The following DMXL1 variants were observed in gnomAD, a reference collection of about 807,000 sequenced individuals.
The protein encoded by DMXL1 is dmX-like protein 1.
Under a neutral mutation model 319.2 loss-of-function variants are expected in DMXL1, and 99 were observed. That is an observed-to-expected ratio of 0.31 (90% CI 0.26 to 0.37). The LOEUF is 0.37. Ranked by LOEUF, DMXL1 falls within the 10% of genes least tolerant of loss-of-function variation. DMXL1 has a pLI of 1.00. For synonymous variants in DMXL1, 1,385 were observed against 1,235.2 expected (o/e 1.12, Z -2.54); for missense variants, 3,745 against 3,595.6 (o/e 1.04, Z -1.06).
intron 32 of DMXL1, among the ~76,000 whole-genome samples, chr5:119,201,771 A>G (rs1400561543): frequency 1.3e-5 from 2 of 152,080 alleles, no homozygotes; most frequent in Non-Finnish European, 2.9e-5. Context: ...TGGTCAGGGA[A>G]TCATTTCTTC....
intron 38 of DMXL1, among the ~76,000 whole-genome samples, chr5:119,230,882 AAAATAAAT>A (rs534047499): frequency 2.0e-5 from 3 of 152,118 alleles, no homozygotes; most frequent in Middle Eastern, 3.2e-3. Context: ...ACTCCGTCTC[AAAATAAAT>A]AAATAAATAA....
intron 41 of DMXL1, among the ~76,000 whole-genome samples, chr5:119,239,974 A>C (rs1457078247): frequency 2.0e-5 from 3 of 150,514 alleles, no homozygotes; most frequent in Non-Finnish European, 4.4e-5. Flanking sequence ...AAAAAAAAAA[A>C]CAAAAAATTG....
At chr5:119,130,767 A>G (rs1455918434) in intron 10 of DMXL1, among the ~76,000 whole-genome samples, 3 of 152,192 alleles carry the variant, frequency 2.0e-5, no homozygotes. Context: ...ATTTAAATTA[A>G]TTTAAATTGT....
At chr5:119,194,504 ATAT>A (rs2150395889) in intron 30 of DMXL1, among the ~76,000 whole-genome samples, 1 of 150,382 alleles carries the variant, frequency 6.6e-6, no homozygotes, top group South Asian at 2.1e-4. Flanking sequence ...GTCTCTATTG[ATAT>A]GTTTACATCT....
At chr5:119,116,668 T>A (rs1322613994) in intron 7 of DMXL1, among the ~76,000 whole-genome samples, 1 of 152,238 alleles carries the variant, frequency 6.6e-6, no homozygotes, top group African/African-American at 2.4e-5. Flanking sequence ...TTTGTTTATA[T>A]TTTTACATAA....
At chr5:119,087,678 T>C (rs1753679860) in intron 1 of DMXL1, among the ~76,000 whole-genome samples, 1 of 152,222 alleles carries the variant, frequency 6.6e-6, no homozygotes, top group African/African-American at 2.4e-5. Flanking sequence ...AGATCTAGTG[T>C]ATCGTTTAAC....
rs1345595408 is a variant in DMXL1, at chr5:119,189,809, G to A, written c.7237G>A (p.Val2413Ile). The change falls in exon 29 of 44, where the codon GTA (valine) becomes ATA (isoleucine). Residue 2413 changes from valine (V) to isoleucine (I), a missense_variant. This residue lies in a region of DMXL1 where 1,382 missense variants were observed against 1,269.5 expected (regional missense o/e 1.09). Coordinates refer to ENST00000539542, the MANE Select transcript of DMXL1 (RefSeq NM_001290321.3). The stretch of plus-strand genomic sequence containing the variant: ...CCCACTGACCCCTTCCTCGGCACCA[G>A]TAAGCCAGGAGTCACTGGCGGTTAA... The part of the protein sequence containing the change: ...SAPLTPSSAP[V>I]SQESLAVKEK... 1.9e-6 allele frequency: 3 copies of A among 1,614,116 alleles called. No homozygotes were observed. The highest frequency in any genetic ancestry group is 3.3e-5 in the Admixed American group (2 of 60,026).
intron 32 of DMXL1, among the ~76,000 whole-genome samples, chr5:119,202,883 T>TTTATATATATATATATATATATA (rs1781004815): frequency 1.1e-4 from 8 of 71,536 alleles, no homozygotes; most frequent in East Asian, 5.9e-4. Flanking sequence ...ATATATATAT[T>TTTATATATATATATATATATATA]TTTATATATA....
At chr5:119,245,047 G>C (rs1310091221) in intron 43 of DMXL1, among the ~76,000 whole-genome samples, 2 of 152,094 alleles carry the variant, frequency 1.3e-5, no homozygotes, top group East Asian at 3.8e-4. Context: ...GAAAACTTAA[G>C]ACAGGTTTTT....
intron 10 of DMXL1, chr5:119,132,886 G>T: frequency 1.7e-6 from 1 of 579,184 alleles, no homozygotes. Context: ...TAAGAAACTA[G>T]ATCTCAAAGT....
In DMXL1 at chr5:119,129,280, T is replaced by C; in HGVS notation, c.1172T>C (p.Val391Ala). 1 of 1,613,824 alleles carries C rather than the reference T, an allele frequency of 6.2e-7. No individual in the cohort carries two copies. The highest frequency in any genetic ancestry group is 1.1e-5 in the South Asian group (1 of 91,068). The change falls in exon 10 of 44, where the codon GTT (valine) becomes GCT (alanine). Residue 391 changes from valine to alanine, a missense_variant. Coordinates refer to ENST00000539542, the MANE Select transcript of DMXL1 (RefSeq NM_001290321.3). ...AATGAAGAGAAGACCGGACCTTTTGTTGTACACTGGCTAAACAATAAAGAA... is the reference window on the plus strand; with the variant it reads ...AATGAAGAGAAGACCGGACCTTTTGCTGTACACTGGCTAAACAATAAAGAA... ...NENEEKTGPF[V>A]VHWLNNKELH...
chr5:119,108,905 G>A, intron 4 of DMXL1, among the ~76,000 whole-genome samples: 2 of 151,996 alleles, frequency 1.3e-5, no homozygotes, highest in East Asian at 3.9e-4. Context: ...GGGTTCAAGT[G>A]ATTCTCCTGC....
At chr5:119,141,654 A>G (rs116924267) in intron 13 of DMXL1, among the ~76,000 whole-genome samples, 228 of 152,318 alleles carry the variant, frequency 1.5e-3, no homozygotes, top group African/African-American at 5.0e-3. Flanking sequence ...GAAAGAATCA[A>G]TATCATTAAA....
intron 2 of DMXL1, among the ~76,000 whole-genome samples, chr5:119,100,965 T>G (rs1757141455): frequency 6.6e-6 from 1 of 151,708 alleles, no homozygotes. Context: ...TATTTTTTAG[T>G]AAAGACGGGG....
chr5:119,216,184 C>G (rs996617732), intron 34 of DMXL1, among the ~76,000 whole-genome samples: 3 of 148,554 alleles, frequency 2.0e-5, no homozygotes, highest in African/African-American at 4.9e-5. Context: ...ATTGCCTCCT[C>G]TTTTCTGCTT....
chr5:119,111,595 A>G (rs976893852), intron 5 of DMXL1, among the ~76,000 whole-genome samples: 1 of 152,204 alleles, frequency 6.6e-6, no homozygotes, highest in Non-Finnish European at 1.5e-5. Context: ...CAAACTGGAA[A>G]TGGATAGGAT....
chr5:119,226,647 C>T (rs1477158040), intron 38 of DMXL1, among the ~76,000 whole-genome samples: 1 of 152,072 alleles, frequency 6.6e-6, no homozygotes, highest in African/African-American at 2.4e-5. Flanking sequence ...AGAATCATAT[C>T]CTACAGGTTA....
intron 26 of DMXL1, among the ~76,000 whole-genome samples, chr5:119,175,933 C>T (rs1346730926): frequency 6.6e-6 from 1 of 152,016 alleles, no homozygotes; most frequent in Admixed American, 6.6e-5. Context: ...TCTATTTCTT[C>T]AAGTATTGTC....
chr5:119,153,994 T>C (rs867498117), intron 19 of DMXL1, among the ~76,000 whole-genome samples: 8 of 152,242 alleles, frequency 5.3e-5, no homozygotes, highest in African/African-American at 1.9e-4. Flanking sequence ...CAGTGATCTT[T>C]GTTACTATTA....
Sources: allele counts gnomAD v4.1 joint callset (sites outside exome capture counted in the v4.1 genomes callset), GRCh38; gene constraint gnomAD v4.1.1; regional missense constraint gnomAD v4.1.1; transcripts MANE v1.5; gene names NCBI Gene and HGNC (gene_info 2026-07-23, HGNC 2026-07-21).